The following ACMSD variants were observed in gnomAD, a reference collection of about 807,000 sequenced individuals.
The protein encoded by ACMSD is 2-amino-3-carboxymuconate-6-semialdehyde decarboxylase.
A neutral mutation model predicts 45.9 loss-of-function variants in ACMSD; 37 were observed. That is an observed-to-expected ratio of 0.81 (90% CI 0.62 to 1.06). ACMSD has a LOEUF of 1.06. Ranked by LOEUF, ACMSD falls within the 50% of genes least tolerant of loss-of-function variation. The pLI is 0.00. For missense variants in ACMSD, 434 were observed against 420.9 expected, an observed-to-expected ratio of 1.03 and a Z score of -0.27; for synonymous variants, 138 against 148.8, an observed-to-expected ratio of 0.93 and a Z score of 0.53.
intron 8 of ACMSD, among the ~76,000 whole-genome samples, chr2:134,888,653 C>A: frequency 6.7e-6 from 1 of 150,036 alleles, no homozygotes; most frequent in African/African-American, 2.5e-5. Flanking sequence ...AAAACAACAA[C>A]AAAACAGAAA....
chr2:134,872,754 T>C, intron 8 of ACMSD, 113 bp downstream of exon 8: 13 of 1,283,690 alleles, frequency 1.0e-5, no homozygotes, highest in Non-Finnish European at 1.3e-5. Context: ...AGGTATTAGA[T>C]GAAAGGAGAG....
chr2:134,840,085 A>G (rs553502529), intron 1 of ACMSD, among the ~76,000 whole-genome samples: 18 of 146,978 alleles, frequency 1.2e-4, no homozygotes, highest in African/African-American at 4.5e-4. Context: ...GAAGCAATAG[A>G]TTATACTCCC....
intron 9 of ACMSD, among the ~76,000 whole-genome samples, chr2:134,899,267 T>C (rs543843177): frequency 6.6e-6 from 1 of 152,304 alleles, no homozygotes; most frequent in East Asian, 1.9e-4. Context: ...ATCTTCTCAA[T>C]AGGCTTAAAG....
chr2:134,861,150 T>A (rs1378338022), intron 3 of ACMSD, among the ~76,000 whole-genome samples: 2 of 152,018 alleles, frequency 1.3e-5, no homozygotes, highest in African/African-American at 4.8e-5. Context: ...GTTCTAAAAG[T>A]ATATTGGAGT....
intron 1 of ACMSD, among the ~76,000 whole-genome samples, chr2:134,839,396 T>A (rs572192319): frequency 6.6e-6 from 1 of 152,156 alleles, no homozygotes; most frequent in Admixed American, 6.6e-5. Context: ...GGAAATTTCC[T>A]TTTGTCATTA....
chr2:134,861,855 G>A lies in ACMSD; in HGVS notation c.200-114G>A. On this transcript the variant is annotated intron_variant, in intron 3 of 9. Transcript: ENST00000356140. ...GAGAGGACTGAGAGGGACGCAGGGAGGGAGAGCAGGAGGAGTTTAGGGTGG... is the reference window on the plus strand; with the variant it reads ...GAGAGGACTGAGAGGGACGCAGGGAAGGAGAGCAGGAGGAGTTTAGGGTGG... 5 of 1,082,556 alleles carry A rather than the reference G, an allele frequency of 4.6e-6. No individual in the cohort carries two copies. The South Asian group carries it at 5.0e-5, about 11-fold the overall frequency. 67.1% of individuals were successfully genotyped at this position (1,082,556 alleles called of 1,614,324 possible). A position where few individuals can be genotyped will look rare whatever the true frequency, so the allele number is the denominator to read the frequency against.
intron 2 of ACMSD, among the ~76,000 whole-genome samples, chr2:134,857,155 T>C (rs912798994): frequency 1.3e-5 from 2 of 152,206 alleles, no homozygotes; most frequent in African/African-American, 4.8e-5. Context: ...TGGGATTGCC[T>C]AATGCTGGGA....
chr2:134,871,073 C>G lies in ACMSD; in HGVS notation c.676+13C>G. On this transcript the variant is annotated intron_variant, in intron 7 of 9. Transcript: ENST00000356140. Reference sequence around the variant, plus strand: ...TTCGCACATGGTGGTAAGACCCTATCTTTATTAGTCAGCTCAGGCTGTCAC... The same window carrying G: ...TTCGCACATGGTGGTAAGACCCTATGTTTATTAGTCAGCTCAGGCTGTCAC... 6.2e-7 allele frequency: 1 copy of G among 1,607,530 alleles called. No homozygotes were observed. The highest frequency in any genetic ancestry group is 8.5e-7 in the Non-Finnish European group (1 of 1,174,228).
At chr2:134,853,559 T>C (rs550097785) in intron 2 of ACMSD, among the ~76,000 whole-genome samples, 154 of 152,294 alleles carry the variant, frequency 1.0e-3, no homozygotes, top group African/African-American at 3.5e-3. Flanking sequence ...AGGTCAGTGT[T>C]AAAAACCAGG....
intron 5 of ACMSD, among the ~76,000 whole-genome samples, chr2:134,863,948 G>T (rs541521053): frequency 2.0e-5 from 3 of 152,164 alleles, no homozygotes; most frequent in African/African-American, 7.2e-5. Context: ...CTGTGCAAAA[G>T]AATCGTGTTA....
chr2:134,894,829 C>A (rs7589297), intron 8 of ACMSD, among the ~76,000 whole-genome samples: 88,579 of 151,888 alleles, frequency 0.58, 27,491 homozygotes, highest in Middle Eastern at 0.91. Context: ...GGCTTTGTAT[C>A]TAGAAAATCC....
At chr2:134,864,071 C>T (rs1687979730) in intron 5 of ACMSD, among the ~76,000 whole-genome samples, 1 of 151,998 alleles carries the variant, frequency 6.6e-6, no homozygotes, top group South Asian at 2.1e-4. Context: ...AAGTTCGAGG[C>T]CAGCCTGACC....
chr2:134,854,931 C>T (rs1360971099), intron 2 of ACMSD, among the ~76,000 whole-genome samples: 1 of 152,186 alleles, frequency 6.6e-6, no homozygotes, highest in East Asian at 1.9e-4. Flanking sequence ...AAAGACTGTG[C>T]TCTTTGGCAC....
intron 2 of ACMSD, among the ~76,000 whole-genome samples, chr2:134,858,180 T>G (rs1687669058): frequency 6.6e-6 from 1 of 152,144 alleles, no homozygotes; most frequent in Admixed American, 6.5e-5. Flanking sequence ...CATATATACA[T>G]AATGGAATAC....
rs1002744701 is a variant in ACMSD, at chr2:134,864,448, A to G, written c.486+817A>G. Among the ~76,000 whole-genome samples the G allele has an allele frequency of 1.3e-4, 20 of 152,186 alleles. 1 individual carries two copies. The highest frequency in any genetic ancestry group is 1.1e-3 in the Admixed American group (17 of 15,274). ...TACCATACATAGTTACTTTCTTGAT[A>G]TACATATATCTATATTTTAATGAAC... On this transcript the variant is annotated intron_variant, in intron 5 of 9. Coordinates refer to ENST00000356140, the MANE Select transcript of ACMSD (RefSeq NM_138326.3).
intron 2 of ACMSD, among the ~76,000 whole-genome samples, chr2:134,846,723 CACTACTTTTTATTG>C (rs1351182135): frequency 6.6e-6 from 1 of 152,166 alleles, no homozygotes; most frequent in Admixed American, 6.5e-5. Context: ...TTCACTGACT[CACTACTTTTTATTG>C]AAACTTGTTT....
intron 3 of ACMSD, among the ~76,000 whole-genome samples, chr2:134,860,133 C>T (rs928569577): frequency 1.3e-5 from 2 of 152,148 alleles, no homozygotes; most frequent in South Asian, 2.1e-4. Flanking sequence ...CATGCTGGCG[C>T]GTGCCTGTAA....
chr2:134,876,980 C>G (rs965904842), intron 8 of ACMSD, among the ~76,000 whole-genome samples: 2 of 152,124 alleles, frequency 1.3e-5, no homozygotes, highest in Non-Finnish European at 2.9e-5. Flanking sequence ...ACGATGTTAG[C>G]CAGGCTGGTC....
intron 9 of ACMSD, among the ~76,000 whole-genome samples, chr2:134,900,065 T>A (rs537886679): frequency 1.1e-4 from 17 of 152,034 alleles, no homozygotes; most frequent in African/African-American, 3.9e-4. Context: ...TTTTGAACCA[T>A]GCGAAGGTAA....
Sources: gnomAD v4.1 joint callset for allele counts (sites outside exome capture counted in the v4.1 genomes callset) on GRCh38, gnomAD v4.1.1 for gene constraint, MANE v1.5 for transcripts, NCBI Gene and HGNC (gene_info 2026-07-23, HGNC 2026-07-21) for gene names.